Variants in ELAVL2 observed in about 807,000 individuals in gnomAD.
ELAVL2 encodes the protein ELAV-like protein 2.
Under a neutral mutation model 34.6 loss-of-function variants are expected in ELAVL2, and 4 were observed. The ratio of observed to expected loss-of-function variants is 0.12; its 90% confidence interval spans 0.06 to 0.26. The LOEUF (loss-of-function observed/expected upper bound fraction) is 0.26. Ranked by LOEUF, ELAVL2 falls within the 10% of genes least tolerant of loss-of-function variation. The pLI, the probability that ELAVL2 is intolerant of heterozygous loss-of-function variation, is 1.00. For missense variants in ELAVL2, 432 were observed against 442.8 expected (o/e 0.98, Z 0.22); for synonymous variants, 193 against 154.8 (o/e 1.25, Z -1.83).
intron 1 of ELAVL2, 120 bp from the exon 2 acceptor site, chr9:23,762,369 G>A (rs2055233724): frequency 7.6e-7 from 1 of 1,315,454 alleles, no homozygotes; most frequent in Non-Finnish European, 1.0e-6. Flanking sequence ...TTACAACAAT[G>A]CTTCAACAAA....
At chr9:23,786,510 T>TAA (rs11410592) in intron 1 of ELAVL2, among the ~76,000 whole-genome samples, 1 of 148,910 alleles carries the variant, frequency 6.7e-6, no homozygotes, top group Admixed American at 6.7e-5. Flanking sequence ...TTTCACACTT[T>TAA]AAAAAAAAAA....
At chr9:23,808,601 A>T (rs1022958976) in intron 1 of ELAVL2, among the ~76,000 whole-genome samples, 4 of 152,166 alleles carry the variant, frequency 2.6e-5, no homozygotes, top group African/African-American at 4.8e-5. Context: ...AAAATAATAA[A>T]ATGTTAAATG....
chr9:23,794,524 G>A (rs1376625926), intron 1 of ELAVL2, among the ~76,000 whole-genome samples: 1 of 152,168 alleles, frequency 6.6e-6, no homozygotes, highest in Non-Finnish European at 1.5e-5. Context: ...TGGATAGACA[G>A]CCCCCATTTT....
chr9:23,764,145 T>C (rs1413518534), intron 1 of ELAVL2, among the ~76,000 whole-genome samples: 1 of 152,110 alleles, frequency 6.6e-6, no homozygotes, highest in Non-Finnish European at 1.5e-5. Flanking sequence ...CCAGCAGTTA[T>C]GGAAACAATG....
At chr9:23,707,816 A>G (rs2039799861) in intron 3 of ELAVL2, among the ~76,000 whole-genome samples, 2 of 152,178 alleles carry the variant, frequency 1.3e-5, no homozygotes, top group Admixed American at 6.5e-5. Flanking sequence ...TTACCTCTAC[A>G]TGCATCTGAA....
At chr9:23,772,178 A>AACCC (rs1564390622) in intron 1 of ELAVL2, among the ~76,000 whole-genome samples, 1 of 152,194 alleles carries the variant, frequency 6.6e-6, no homozygotes. Context: ...AGCTATCAGG[A>AACCC]ACCCCCTCAG....
At chr9:23,715,897 G>A (rs910620277) in intron 3 of ELAVL2, among the ~76,000 whole-genome samples, 1 of 151,888 alleles carries the variant, frequency 6.6e-6, no homozygotes, top group African/African-American at 2.4e-5. Flanking sequence ...AAAGAAAAAA[G>A]GTTCTCATCA....
the ELAVL2 span, among the ~76,000 whole-genome samples, chr9:23,835,567 A>C: frequency 6.6e-6 from 1 of 152,214 alleles, no homozygotes; most frequent in Non-Finnish European, 1.5e-5. Context: ...GGTAGACTAT[A>C]TAAAGGGCTT....
chr9:23,798,893 A>T (rs1045476417), intron 1 of ELAVL2, among the ~76,000 whole-genome samples: 1 of 152,198 alleles, frequency 6.6e-6, no homozygotes, highest in Non-Finnish European at 1.5e-5. Flanking sequence ...TCTGTTTTTT[A>T]TAGATAGATA....
intron 3 of ELAVL2, among the ~76,000 whole-genome samples, chr9:23,719,550 G>T (rs938853273): frequency 3.3e-5 from 5 of 152,130 alleles, no homozygotes; most frequent in African/African-American, 1.2e-4. Context: ...AAGCCTTTTG[G>T]CAAGAGTATG....
rs1025379511 is a variant in ELAVL2, at chr9:23,692,890, A to C, written c.753-6T>G. 6.8e-6 allele frequency: 11 copies of C among 1,612,404 alleles called. No homozygotes were observed. In the African/African-American group the frequency reaches 1.3e-4, roughly 20 times the overall value. ...CAATGGTCATTGGAGAAAACCTGCT[A>C]AACAGAATAGGAAATACACACATAC... On this transcript the variant is annotated splice_region_variant and splice_polypyrimidine_tract_variant and intron_variant, in intron 6 of 6. Coordinates refer to ENST00000397312, the MANE Select transcript of ELAVL2 (RefSeq NM_004432.5).
chr9:23,788,204 A>G (rs546498514), intron 1 of ELAVL2, among the ~76,000 whole-genome samples: 15 of 152,358 alleles, frequency 9.8e-5, no homozygotes, highest in South Asian at 4.1e-4. Flanking sequence ...GATATAAAAT[A>G]TAACAAGTGA....
chr9:23,780,493 A>G (rs1371017704), intron 1 of ELAVL2, among the ~76,000 whole-genome samples: 2 of 152,142 alleles, frequency 1.3e-5, no homozygotes, highest in Admixed American at 1.3e-4. Flanking sequence ...TTTTATAATT[A>G]TTTTCTTAGA....
chr9:23,786,584 G>C (rs939477032), intron 1 of ELAVL2, among the ~76,000 whole-genome samples: 2 of 152,018 alleles, frequency 1.3e-5, no homozygotes, highest in Admixed American at 1.3e-4. Flanking sequence ...AACTGGTGTT[G>C]ATCTGCCCTT....
chr9:23,719,097 G>A (rs536172572), intron 3 of ELAVL2, among the ~76,000 whole-genome samples: 122 of 152,280 alleles, frequency 8.0e-4, no homozygotes, highest in Non-Finnish European at 1.4e-3. Flanking sequence ...GAGGGGCAGC[G>A]AGGAGGGGAA....
At chr9:23,774,713 T>G (rs565763306) in intron 1 of ELAVL2, among the ~76,000 whole-genome samples, 1 of 138,708 alleles carries the variant, frequency 7.2e-6, no homozygotes, top group African/African-American at 2.7e-5. Context: ...CTGCTTATGC[T>G]CAGGCTCTTG....
chr9:23,847,561 G>A, the ELAVL2 span, among the ~76,000 whole-genome samples: 1 of 152,040 alleles, frequency 6.6e-6, no homozygotes, highest in South Asian at 2.1e-4. Context: ...ATCGGAACAT[G>A]ACCACTGTAT....
intron 2 of ELAVL2, among the ~76,000 whole-genome samples, chr9:23,753,065 T>C (rs754641575): frequency 6.6e-6 from 1 of 152,122 alleles, no homozygotes; most frequent in Non-Finnish European, 1.5e-5. Flanking sequence ...ATATTGACAA[T>C]CTAAAACTTT....
intron 3 of ELAVL2, among the ~76,000 whole-genome samples, chr9:23,713,159 T>C (rs1322257962): frequency 6.6e-6 from 1 of 152,216 alleles, no homozygotes; most frequent in African/African-American, 2.4e-5. Flanking sequence ...TTGTTTCTCC[T>C]TGGTTCTAGT....
Sources: gnomAD v4.1 joint callset for allele counts (sites outside exome capture counted in the v4.1 genomes callset) on GRCh38, gnomAD v4.1.1 for gene constraint, MANE v1.5 for transcripts, NCBI Gene and HGNC (gene_info 2026-07-23, HGNC 2026-07-21) for gene names.